Variants in GPC5 observed in about 807,000 individuals in gnomAD.
The protein encoded by GPC5 is glypican-5.
Under a neutral mutation model 53.9 loss-of-function variants are expected in GPC5, and 47 were observed. The observed-to-expected ratio is 0.87, with a 90% CI of 0.69 to 1.11. The LOEUF (loss-of-function observed/expected upper bound fraction) is 1.11, where lower values mean the gene tolerates loss of function less well. Among genes scored for constraint, GPC5 ranks in the 50% most tolerant of loss-of-function variants. The pLI is 0.00. For missense variants in GPC5, 748 were observed against 713.1 expected (o/e 1.05, Z -0.56); for synonymous variants, 286 against 263.3 (o/e 1.09, Z -0.84).
At chr13:92,788,044 A>C (rs1876322635) in intron 7 of GPC5, among the ~76,000 whole-genome samples, 1 of 152,138 alleles carries the variant, frequency 6.6e-6, no homozygotes, top group Non-Finnish European at 1.5e-5. Flanking sequence ...AAAAGTGCAT[A>C]TCCAGTGCTG....
At chr13:91,634,474 A>G (rs2034237685) in intron 2 of GPC5, among the ~76,000 whole-genome samples, 1 of 152,026 alleles carries the variant, frequency 6.6e-6, no homozygotes. Context: ...TTGAGTTTAT[A>G]CTTGTTGAAT....
At chr13:92,576,797 CTT>C (rs544642745) in intron 7 of GPC5, among the ~76,000 whole-genome samples, 221 of 152,256 alleles carry the variant, frequency 1.5e-3, no homozygotes, top group Middle Eastern at 0.01. Context: ...TCTCCAAAGA[CTT>C]TATCTGTACT....
intron 5 of GPC5, among the ~76,000 whole-genome samples, chr13:91,823,622 CT>C (rs1566286129): frequency 6.6e-6 from 1 of 152,086 alleles, no homozygotes; most frequent in Non-Finnish European, 1.5e-5. Context: ...CTTTCTTGAA[CT>C]TGAAATGGAT....
At chr13:92,408,404 C>A (rs1034762889) in intron 7 of GPC5, among the ~76,000 whole-genome samples, 1 of 152,070 alleles carries the variant, frequency 6.6e-6, no homozygotes, top group Non-Finnish European at 1.5e-5. Flanking sequence ...TATATTGAGA[C>A]AATATAATAT....
chr13:91,954,495 A>G (rs1317538329), intron 6 of GPC5, among the ~76,000 whole-genome samples: 1 of 152,182 alleles, frequency 6.6e-6, no homozygotes, highest in African/African-American at 2.4e-5. Context: ...GAGAAAATGT[A>G]TATGCATAAG....
At chr13:91,901,114 T>C (rs1267069021) in intron 5 of GPC5, among the ~76,000 whole-genome samples, 2 of 151,974 alleles carry the variant, frequency 1.3e-5, no homozygotes, top group East Asian at 3.9e-4. Context: ...GACATCCATA[T>C]CATAAAATAT....
intron 6 of GPC5, among the ~76,000 whole-genome samples, chr13:92,013,354 A>G (rs963118099): frequency 3.9e-5 from 6 of 152,084 alleles, no homozygotes; most frequent in Admixed American, 2.6e-4. Flanking sequence ...GTTCTTTTCT[A>G]AAGTCAAGCC....
intron 7 of GPC5, among the ~76,000 whole-genome samples, chr13:92,179,490 G>A (rs541101037): frequency 6.6e-6 from 1 of 152,274 alleles, no homozygotes; most frequent in East Asian, 1.9e-4. Context: ...ATTTGTCGTG[G>A]TCTCTCTGTC....
chr13:91,498,239 A>ATTTTTTTT (rs60732957), intron 2 of GPC5, among the ~76,000 whole-genome samples: 2 of 110,234 alleles, frequency 1.8e-5, no homozygotes, highest in Non-Finnish European at 3.6e-5. Flanking sequence ...CTACCCAAAG[A>ATTTTTTTT]TTTTTTTTTT....
intron 7 of GPC5, among the ~76,000 whole-genome samples, chr13:92,176,599 T>C (rs2042110465): frequency 1.3e-5 from 2 of 152,160 alleles, no homozygotes; most frequent in Admixed American, 6.5e-5. Context: ...TGATTTTCCT[T>C]TGTCTCAATG....
intron 7 of GPC5, among the ~76,000 whole-genome samples, chr13:92,709,223 T>G (rs1177917518): frequency 6.6e-6 from 1 of 151,576 alleles, no homozygotes; most frequent in East Asian, 1.9e-4. Flanking sequence ...ATTTTTTTTT[T>G]TTTTTTTGGA....
intron 7 of GPC5, among the ~76,000 whole-genome samples, chr13:92,394,939 C>T (rs1227289473): frequency 6.6e-6 from 1 of 152,012 alleles, no homozygotes; most frequent in Non-Finnish European, 1.5e-5. Context: ...ATGACTATGT[C>T]GTTTATTGCA....
At chr13:92,415,736 A>G (rs1411191080) in intron 7 of GPC5, among the ~76,000 whole-genome samples, 3 of 152,100 alleles carry the variant, frequency 2.0e-5, no homozygotes, top group Middle Eastern at 3.2e-3. Flanking sequence ...GTAGTGAGCT[A>G]CGCAGAACAG....
At chr13:92,227,598 G>A (rs114903585) in intron 7 of GPC5, among the ~76,000 whole-genome samples, 3,074 of 152,182 alleles carry the variant, frequency 0.02, 89 homozygotes, top group African/African-American at 0.07. Flanking sequence ...ACAGAAAAAC[G>A]AAACTTGGTA....
intron 1 of GPC5, among the ~76,000 whole-genome samples, chr13:91,444,686 T>G (rs1450401435): frequency 6.6e-6 from 1 of 152,206 alleles, no homozygotes; most frequent in Non-Finnish European, 1.5e-5. Context: ...AATTTTGATT[T>G]CACTTACAGC....
chr13:92,078,553 CCT>C (rs1333476761), intron 6 of GPC5, among the ~76,000 whole-genome samples: 2 of 152,046 alleles, frequency 1.3e-5, no homozygotes. Flanking sequence ...ATCAAAAATG[CCT>C]CTGTTCTGTC....
intron 6 of GPC5, among the ~76,000 whole-genome samples, chr13:91,934,051 T>C (rs993714708): frequency 6.6e-6 from 1 of 151,876 alleles, no homozygotes; most frequent in Non-Finnish European, 1.5e-5. Flanking sequence ...TTGACACTGC[T>C]GCTTTAAGAT....
chr13:91,451,405 T>C (rs1041802969), intron 2 of GPC5, among the ~76,000 whole-genome samples: 2 of 152,046 alleles, frequency 1.3e-5, no homozygotes, highest in Non-Finnish European at 2.9e-5. Flanking sequence ...GGATGATCAC[T>C]TGGGTCTGGG....
intron 6 of GPC5, among the ~76,000 whole-genome samples, chr13:92,086,920 A>T (rs1314882363): frequency 1.3e-5 from 2 of 152,196 alleles, no homozygotes; most frequent in African/African-American, 4.8e-5. Context: ...TGGCCTCCCA[A>T]AGTGCTGGGA....
Sources: gnomAD v4.1 joint callset for allele counts (sites outside exome capture counted in the v4.1 genomes callset) on GRCh38, gnomAD v4.1.1 for gene constraint, MANE v1.5 for transcripts, NCBI Gene and HGNC (gene_info 2026-07-23, HGNC 2026-07-21) for gene names.